The following SUMF1 variants were observed in gnomAD, a reference collection of about 807,000 sequenced individuals.
SUMF1 encodes the protein sulfatase modifying factor 1.
In SUMF1, 48 loss-of-function variants were observed where a neutral mutation model predicts 47.6. The ratio of observed to expected loss-of-function variants is 1.01; its 90% CI spans 0.80 to 1.28. The LOEUF (loss-of-function observed/expected upper bound fraction) is 1.28, where lower values mean the gene tolerates loss of function less well. Ranked by LOEUF, SUMF1 falls within the 50% of genes most tolerant of loss-of-function variation. SUMF1 has a pLI of 0.00. For synonymous variants in SUMF1, 230 were observed against 192.1 expected (o/e 1.20, Z -1.63); for missense variants, 571 against 485.4 (o/e 1.18, Z -1.66).
At chr3:4,151,479 A>G (rs1339989229) in intron 8 of SUMF1, among the ~76,000 whole-genome samples, 1 of 146,628 alleles carries the variant, frequency 6.8e-6, no homozygotes, top group African/African-American at 2.5e-5. Flanking sequence ...ATATATGTAT[A>G]TATGTGTATA....
chr3:4,254,154 A>G (rs558405628), intron 8 of SUMF1, among the ~76,000 whole-genome samples: 10 of 152,210 alleles, frequency 6.6e-5, no homozygotes, highest in African/African-American at 2.4e-4. Context: ...AAAACCACAA[A>G]GATGGGGAAA....
At chr3:4,335,678 C>G (rs1293241795) in intron 8 of SUMF1, among the ~76,000 whole-genome samples, 7 of 152,106 alleles carry the variant, frequency 4.6e-5, no homozygotes, top group Admixed American at 4.6e-4. Context: ...GGCACAGTGG[C>G]TCACACCTGT....
At chr3:4,166,972 G>A (rs1284359910) in intron 8 of SUMF1, among the ~76,000 whole-genome samples, 5 of 152,120 alleles carry the variant, frequency 3.3e-5, no homozygotes, top group Admixed American at 2.6e-4. Flanking sequence ...GCCAACAGGT[G>A]TCTGATGTTT....
Position 4,217,514 on chromosome 3 carries a change from T to TTATATATA in SUMF1, c.1015-148777_1015-148770dup, listed in dbSNP as rs370463309. 6.6e-5 allele frequency among the ~76,000 whole-genome samples: 3 copies of TTATATATA among 45,198 alleles called. 1 individual carries two copies. The highest frequency in any genetic ancestry group is 1.1e-3 in the South Asian group (1 of 920). 29.7% of individuals were successfully genotyped at this position (45,198 alleles called of 152,430 possible). On this transcript the variant is annotated intron_variant and NMD_transcript_variant, in intron 8 of 12. Transcript: ENST00000448413. Reference sequence around the variant, plus strand: ...TGTATCCCAGAACTTAAAGTATTTTTTATATATATATATATATATATATAT... The same window carrying TTATATATA: ...TGTATCCCAGAACTTAAAGTATTTTTTATATATATATATATATATATATATATATATAT...
intron 9 of SUMF1, among the ~76,000 whole-genome samples, chr3:4,055,604 T>A (rs1432672629): frequency 1.3e-5 from 2 of 152,156 alleles, no homozygotes; most frequent in Admixed American, 6.6e-5. Flanking sequence ...GGTCTCAGCC[T>A]CCTGAGTAAC....
intron 8 of SUMF1, among the ~76,000 whole-genome samples, chr3:4,231,049 C>A (rs1360060226): frequency 6.6e-6 from 1 of 152,042 alleles, no homozygotes; most frequent in Non-Finnish European, 1.5e-5. Flanking sequence ...AAAGATCTGC[C>A]CATTTCTAGA....
At chr3:4,075,663 G>A (rs1458699310) in intron 8 of SUMF1, among the ~76,000 whole-genome samples, 1 of 151,904 alleles carries the variant, frequency 6.6e-6, no homozygotes, top group African/African-American at 2.4e-5. Flanking sequence ...AAAATCAATA[G>A]GCAAAAATCA....
intron 9 of SUMF1, among the ~76,000 whole-genome samples, chr3:4,038,550 T>C (rs538510279): frequency 1.0e-3 from 155 of 152,130 alleles, no homozygotes; most frequent in Middle Eastern, 6.8e-3. Context: ...TGTTCAGCCA[T>C]TGGGGTGGGG....
At chr3:4,106,918 C>A (rs1684166568) in intron 8 of SUMF1, among the ~76,000 whole-genome samples, 1 of 151,964 alleles carries the variant, frequency 6.6e-6, no homozygotes, top group African/African-American at 2.4e-5. Context: ...CTATATTTTT[C>A]CAGAACATGA....
At chr3:4,168,025 G>A (rs978047451) in intron 8 of SUMF1, among the ~76,000 whole-genome samples, 2 of 152,088 alleles carry the variant, frequency 1.3e-5, no homozygotes, top group African/African-American at 4.8e-5. Context: ...CATATTTATT[G>A]TGCTCATAAA....
intron 1 of SUMF1, among the ~76,000 whole-genome samples, chr3:4,457,573 C>A (rs1185279836): frequency 6.6e-6 from 1 of 152,016 alleles, no homozygotes; most frequent in Non-Finnish European, 1.5e-5. Context: ...GATAGAGAGT[C>A]CAGAAATAAA....
At chr3:4,146,852 A>T (rs542864614) in intron 8 of SUMF1, among the ~76,000 whole-genome samples, 2 of 152,106 alleles carry the variant, frequency 1.3e-5, no homozygotes, top group African/African-American at 4.8e-5. Context: ...CATGTCCCTA[A>T]AAAGGACATG....
At chr3:4,141,942 A>G (rs892711461) in intron 8 of SUMF1, among the ~76,000 whole-genome samples, 4 of 152,152 alleles carry the variant, frequency 2.6e-5, no homozygotes, top group Non-Finnish European at 4.4e-5. Context: ...AAATTGCTCA[A>G]GCAAGACCAG....
chr3:4,063,751 G>A (rs962401758), intron 9 of SUMF1, among the ~76,000 whole-genome samples: 3 of 152,100 alleles, frequency 2.0e-5, no homozygotes, highest in Non-Finnish European at 2.9e-5. Context: ...ATTTTTACAT[G>A]TATTATATTA....
chr3:4,147,801 A>T (rs1314139811), intron 8 of SUMF1, among the ~76,000 whole-genome samples: 1 of 152,142 alleles, frequency 6.6e-6, no homozygotes, highest in Non-Finnish European at 1.5e-5. Context: ...GAATGATCAT[A>T]TCAATCGGAG....
At chr3:4,254,229 G>A (rs1288980953) in intron 8 of SUMF1, among the ~76,000 whole-genome samples, 1 of 152,026 alleles carries the variant, frequency 6.6e-6, no homozygotes, top group Non-Finnish European at 1.5e-5. Context: ...AAGGAACACA[G>A]TTCCTCAACA....
intron 8 of SUMF1, among the ~76,000 whole-genome samples, chr3:4,179,746 G>A (rs1311036242): frequency 4.6e-5 from 7 of 152,072 alleles, no homozygotes; most frequent in South Asian, 2.1e-4. Flanking sequence ...TATCATCAGC[G>A]TGAACTGGCA....
At chr3:4,449,920 C>T (rs1307919806) in intron 2 of SUMF1, among the ~76,000 whole-genome samples, 2 of 152,138 alleles carry the variant, frequency 1.3e-5, no homozygotes, top group African/African-American at 2.4e-5. Context: ...AAAATTAGGT[C>T]GTTTGTCCCT....
At chr3:4,228,702 TC>T (rs975245703) in intron 8 of SUMF1, among the ~76,000 whole-genome samples, 1 of 152,106 alleles carries the variant, frequency 6.6e-6, no homozygotes, top group African/African-American at 2.4e-5. Context: ...AGGTCCCAAA[TC>T]CTAAAAACCA....
Sources: allele counts gnomAD v4.1 joint callset (sites outside exome capture counted in the v4.1 genomes callset), GRCh38; gene constraint gnomAD v4.1.1; transcripts MANE v1.5; gene names NCBI Gene and HGNC (gene_info 2026-07-23, HGNC 2026-07-21).